Variants in TNIP2 observed in about 807,000 individuals in gnomAD.
The protein encoded by TNIP2 is TNFAIP3-interacting protein 2.
A neutral mutation model predicts 43.7 loss-of-function variants in TNIP2; 30 were observed. The ratio of observed to expected loss-of-function variants is 0.69; its 90% confidence interval spans 0.51 to 0.93. The LOEUF is 0.93. Ranked by LOEUF, TNIP2 falls within the 40% of genes least tolerant of loss-of-function variation. The pLI is 0.00. For synonymous variants in TNIP2, 260 were observed against 254.6 expected (o/e 1.02, Z -0.20); for missense variants, 599 against 591.0 (o/e 1.01, Z -0.14).
In TNIP2 at chr4:2,745,500, A is replaced by G. The variant is rs774122704; in HGVS notation, c.603T>C (p.Ser201=). The change falls in exon 3 of 6, where the codon AGT becomes AGC. Residue 201 remains serine (S), a synonymous_variant. Transcript: ENST00000315423. ...EHTDGHTSVQ[S]VIEKLQEENR... ...TTTCTTCCTGCAACTTCTCAATAAC[A>G]CTCTGGACAGAGGTGTGCCCATCTG... 1 of 1,613,726 alleles carries G rather than the reference A, an allele frequency of 6.2e-7. No individual in the cohort carries two copies. Among genetic ancestry groups the G allele is most frequent in the Non-Finnish European group, 8.5e-7 (1 of 1,179,858 alleles).
chr4:2,744,637 C>A lies in TNIP2; in HGVS notation c.906+60G>T. ...TTCAGCCCAGCCTGTCCCATGATTT[C>A]GGCCACCACCGGCCAGCAGACATCT... On this transcript the variant is annotated intron_variant, in intron 4 of 5. Transcript: ENST00000315423. The surrounding 1 kb of genome is among the most constrained non-coding windows in gnomAD (Gnocchi z 5.1). 6.3e-7 allele frequency: 1 copy of A among 1,581,540 alleles called. No homozygotes were observed. The highest frequency in any genetic ancestry group is 8.6e-7 in the Non-Finnish European group (1 of 1,167,200).
chr4:2,751,978 GC>G lies in TNIP2; in HGVS notation c.277-4034del, dbSNP rs528211273. Among the ~76,000 whole-genome samples the G allele has an allele frequency of 3.3e-3, 501 of 151,832 alleles. 1 individual carries two copies. Among genetic ancestry groups the G allele is most frequent in the South Asian group, 0.01 (49 of 4,804 alleles). On this transcript the variant is annotated intron_variant, in intron 1 of 5. Transcript: ENST00000315423. ...AAATTAGCCAGGCGTGCTGGTGGGC[GC>G]CTGTAGTCCCAGCTACCCAGGAGGC...
chr4:2,747,498 C>T (rs1458608705), intron 2 of TNIP2, 157 bp downstream of exon 2: 1 of 753,036 alleles, frequency 1.3e-6, no homozygotes, highest in Non-Finnish European at 2.2e-6. Context: ...TTAAAAGAAA[C>T]CCTTGGATGA....
chr4:2,750,045 C>T (rs231178), intron 1 of TNIP2, among the ~76,000 whole-genome samples: 40,116 of 152,116 alleles, frequency 0.26, 5,744 homozygotes, highest in Middle Eastern at 0.39. Flanking sequence ...TTGAGTGATC[C>T]GCCTGCCTCA....
At chr4:2,743,573 C>T (rs947878453) in intron 5 of TNIP2, among the ~76,000 whole-genome samples, 7 of 152,146 alleles carry the variant, frequency 4.6e-5, no homozygotes, top group Admixed American at 1.3e-4. Flanking sequence ...AGTGGCTGCT[C>T]GGAACAGGGC....
At chr4:2,755,887 T>A in intron 1 of TNIP2, 127 bp downstream of exon 1, 1 of 1,067,258 alleles carries the variant, frequency 9.4e-7, no homozygotes, top group Non-Finnish European at 1.1e-6. Context: ...CGAGGCCAAC[T>A]CAACCCCAGG....
rs1241659733 is a variant in TNIP2, at chr4:2,744,937, G to T, written c.666C>A (p.Asp222Glu). 3.1e-6 allele frequency: 5 copies of T among 1,603,780 alleles called. No homozygotes were observed. The Admixed American group carries it at 5.0e-5, about 16-fold the overall frequency. ...LLKQKVTHVE[D>E]LNAKWQRYNA... ...TGTAGCGCTGCCACTTGGCATTGAG[G>T]TCTTCAACCTGAAGAGGTGGAGCCG... Residue 222 changes from aspartate to glutamate, a missense_variant, in exon 4 of 6, where the codon GAC becomes GAA. Transcript: ENST00000315423. The surrounding 1 kb of genome is among the most constrained non-coding windows in gnomAD (Gnocchi z 5.1).
chr4:2,753,707 C>T (rs890777378), intron 1 of TNIP2, among the ~76,000 whole-genome samples: 6 of 152,172 alleles, frequency 3.9e-5, no homozygotes, highest in East Asian at 1.9e-4. Flanking sequence ...GAGATGACTT[C>T]GGAGTGTCCT....
At position 2,745,520 on chromosome 4, in the gene TNIP2, C is replaced by T; in HGVS notation, c.583G>A (p.Gly195Arg). 6.2e-7 allele frequency: 1 copy of T among 1,613,862 alleles called. No individual in the cohort carries two copies. Among genetic ancestry groups the T allele is most frequent in the East Asian group, 2.2e-5 (1 of 44,888 alleles). ...ATAACACTCTGGACAGAGGTGTGCCCATCTGTGTGTTCCGACTGCATGAGG... is the reference window on the plus strand; with the variant it reads ...ATAACACTCTGGACAGAGGTGTGCCTATCTGTGTGTTCCGACTGCATGAGG... ...RSPDQSEHTDGHTSVQSVIEK... is the reference protein window; with the variant it reads ...RSPDQSEHTDRHTSVQSVIEK... Residue 195 changes from glycine (G) to arginine (R), a missense_variant, in exon 3 of 6, where the codon GGG becomes AGG. By Grantham distance (125) the Gly-to-Arg change is moderately radical (BLOSUM62 -2). Transcript: ENST00000315423.
At chr4:2,748,365 C>T (rs1228011753) in intron 1 of TNIP2, among the ~76,000 whole-genome samples, 3 of 151,282 alleles carry the variant, frequency 2.0e-5, no homozygotes, top group Admixed American at 6.6e-5. Context: ...TTTTTTGAGA[C>T]GGAGTCTCGC....
intron 1 of TNIP2, among the ~76,000 whole-genome samples, chr4:2,748,627 G>A (rs1722018055): frequency 7.4e-6 from 1 of 135,102 alleles, no homozygotes. Context: ...CAAAGTGCTG[G>A]GATTACAGGC....
At chr4:2,746,202 G>A (rs1468866343) in intron 2 of TNIP2, 2 of 152,492 alleles carry the variant, frequency 1.3e-5, no homozygotes, top group South Asian at 4.1e-4. Flanking sequence ...CCTGAAACTC[G>A]TGTGTACCCT....
At chr4:2,745,081 G>T in intron 3 of TNIP2, 136 bp from the exon 4 acceptor site, 1 of 1,174,024 alleles carries the variant, frequency 8.5e-7, no homozygotes, top group Non-Finnish European at 1.2e-6. Context: ...GCCCCTCCCT[G>T]TTCTGTAGAG....
At position 2,742,284 on chromosome 4, in the gene TNIP2, G is replaced by C. The variant is rs1182384234; in HGVS notation, c.1263C>G (p.Leu421=). 1.3e-6 allele frequency: 2 copies of C among 1,507,026 alleles called. No individual in the cohort carries two copies. Among genetic ancestry groups the C allele is most frequent in the African/African-American group, 1.4e-5 (1 of 71,326 alleles). The allele number at this position is 1,507,026 out of a possible 1,614,324, so 93.4% of individuals were successfully genotyped here. The change falls in exon 6 of 6, where the codon CTC becomes CTG. Residue 421 remains leucine (L), a synonymous_variant. Transcript: ENST00000315423. ...ACTGGCAGCACTCAGCCACATGCCTGAGGAGCTCTTCCCCTTGCTCGTCAC... is the reference window on the plus strand; with the variant it reads ...ACTGGCAGCACTCAGCCACATGCCTCAGGAGCTCTTCCCCTTGCTCGTCAC... ...CFSDEQGEEL[L]RHVAECCQ
At chr4:2,747,355 C>T in intron 2 of TNIP2, 1 of 362,190 alleles carries the variant, frequency 2.8e-6, no homozygotes, top group Admixed American at 4.1e-5. Flanking sequence ...TCAGCTCCTC[C>T]TCCTCATCCT....
In TNIP2 at chr4:2,744,953, G is replaced by C; in HGVS notation, c.658-8C>G. 6.3e-7 allele frequency: 1 copy of C among 1,596,626 alleles called. No individual in the cohort carries two copies. ...GGCATTGAGGTCTTCAACCTGAAGA[G>C]GTGGAGCCGGAAAGCTCACGGTGAA... On this transcript the variant is annotated splice_region_variant and splice_polypyrimidine_tract_variant and intron_variant, in intron 3 of 5. Transcript: ENST00000315423. This position sits in a 1 kb window ranked among gnomAD's most constrained non-coding sequence, Gnocchi z 5.1.
Position 2,747,784 on chromosome 4 carries a change from G to T in TNIP2, c.438C>A (p.Ser146=). Residue 146 remains serine, a synonymous_variant, in exon 2 of 6, where the codon TCC becomes TCA. Coordinates refer to ENST00000315423, the MANE Select transcript of TNIP2 (RefSeq NM_024309.4). The part of the protein sequence containing the change: ...ARAASDVLCR[S]LANETHQLRR... ...GCAGCTGATGGGTCTCGTTGGCCAA[G>T]GAGCGGCACAGGACGTCACTGGCGG... 1 of 1,612,336 alleles carries T rather than the reference G, an allele frequency of 6.2e-7. No homozygotes were observed. The highest frequency in any genetic ancestry group is 2.2e-5 in the East Asian group (1 of 44,888).
At position 2,744,300 on chromosome 4, in the gene TNIP2, T is replaced by C. The variant is rs948948725; in HGVS notation, c.1026+87A>G. 3 of 1,553,984 alleles carry C rather than the reference T, an allele frequency of 1.9e-6. No homozygotes were observed. In the African/African-American group the frequency reaches 4.1e-5, roughly 21 times the overall value. The stretch of plus-strand genomic sequence containing the variant: ...CCTCATCACCAGCAAATCAGGGCCT[T>C]GGCAGACACAGAAAGGCTCTAATCT... On this transcript the variant is annotated intron_variant, in intron 5 of 5. Coordinates refer to ENST00000315423, the MANE Select transcript of TNIP2 (RefSeq NM_024309.4). This position sits in a 1 kb window ranked among gnomAD's most constrained non-coding sequence, Gnocchi z 5.1.
At chr4:2,748,470 G>A (rs1178341168) in intron 1 of TNIP2, among the ~76,000 whole-genome samples, 1 of 152,162 alleles carries the variant, frequency 6.6e-6, no homozygotes, top group Non-Finnish European at 1.5e-5. Flanking sequence ...AGCCTTCCGA[G>A]TAGCTGGGAC....
Sources: allele counts gnomAD v4.1 joint callset (sites outside exome capture counted in the v4.1 genomes callset), GRCh38; gene constraint gnomAD v4.1.1; non-coding constraint Gnocchi (gnomAD v3.1); transcripts MANE v1.5; gene names NCBI Gene and HGNC (gene_info 2026-07-23, HGNC 2026-07-21).